PDS5B: variants seen among roughly 807,000 people sequenced by gnomAD.
PDS5B encodes the protein sister chromatid cohesion protein PDS5 homolog B.
Under a neutral mutation model 184.1 loss-of-function variants are expected in PDS5B, and 51 were observed. That is an observed-to-expected ratio of 0.28 (90% CI 0.22 to 0.35). The LOEUF is 0.35. Ranked by LOEUF, PDS5B falls within the 10% of genes least tolerant of loss-of-function variation. The pLI, the probability that PDS5B is intolerant of heterozygous loss-of-function variation, is 1.00. For missense variants in PDS5B, 1,180 were observed against 1,723.3 expected (o/e 0.68, Z 5.58); for synonymous variants, 566 against 569.2 (o/e 0.99, Z 0.08).
intron 13 of PDS5B, among the ~76,000 whole-genome samples, chr13:32,691,563 A>G (rs945952188): frequency 6.6e-6 from 1 of 152,152 alleles, no homozygotes; most frequent in Non-Finnish European, 1.5e-5. Flanking sequence ...AAATTTAGCT[A>G]CTTATTGAAA....
chr13:32,629,706 T>C (rs1047313905), intron 1 of PDS5B, among the ~76,000 whole-genome samples: 11 of 152,194 alleles, frequency 7.2e-5, no homozygotes, highest in African/African-American at 2.4e-4. Context: ...TAGTTTATTT[T>C]TGAAATAAAC....
At chr13:32,750,902 T>C (rs1020329831) in intron 24 of PDS5B, among the ~76,000 whole-genome samples, 2 of 145,636 alleles carry the variant, frequency 1.4e-5, no homozygotes, top group Non-Finnish European at 3.0e-5. Context: ...AAACTTTAGG[T>C]TCAGGGGTAC....
intron 1 of PDS5B, among the ~76,000 whole-genome samples, chr13:32,631,099 A>G (rs1309259413): frequency 7.5e-6 from 1 of 133,410 alleles, no homozygotes; most frequent in Non-Finnish European, 1.6e-5. Flanking sequence ...GGCCATCTCT[A>G]TTGATTCTTT....
intron 14 of PDS5B, among the ~76,000 whole-genome samples, chr13:32,694,578 C>T (rs928669508): frequency 6.6e-6 from 1 of 151,778 alleles, no homozygotes; most frequent in African/African-American, 2.4e-5. Flanking sequence ...AAAGGTGTAA[C>T]AATAACTCAG....
chr13:32,659,238 G>A lies in PDS5B; in HGVS notation c.582G>A (p.Glu194=), dbSNP rs1462819221. 4 of 1,597,222 alleles carry A rather than the reference G, an allele frequency of 2.5e-6. No homozygotes were observed. The highest frequency in any genetic ancestry group is 1.7e-5 in the Admixed American group (1 of 59,814). Residue 194 remains glutamate (E), a synonymous_variant, in exon 6 of 35, where the codon GAG becomes GAA. Transcript: ENST00000315596. Reference sequence around the variant, plus strand: ...GTGAAGGTGATACAGTGTCTCAGGAGCTTTTGGATACGGTTTTAGTAAATC... The same window carrying A: ...GTGAAGGTGATACAGTGTCTCAGGAACTTTTGGATACGGTTTTAGTAAATC... ...IICEGDTVSQ[E]LLDTVLVNLV...
intron 19 of PDS5B, 31 bp downstream of exon 19, chr13:32,710,137 G>C: frequency 7.3e-7 from 1 of 1,368,854 alleles, no homozygotes; most frequent in South Asian, 1.9e-5. Flanking sequence ...AAAATATTCT[G>C]GACATCAGAA....
intron 1 of PDS5B, among the ~76,000 whole-genome samples, chr13:32,602,977 G>A (rs2058001724): frequency 1.3e-5 from 2 of 152,108 alleles, no homozygotes; most frequent in South Asian, 2.1e-4. Context: ...TAAGTTCTTT[G>A]TAGATTCTGG....
intron 1 of PDS5B, among the ~76,000 whole-genome samples, chr13:32,623,521 G>T (rs562046407): frequency 6.6e-6 from 1 of 152,086 alleles, no homozygotes; most frequent in Non-Finnish European, 1.5e-5. Flanking sequence ...TAGTAACATC[G>T]TTAGTCTGAC....
rs149385658 is a variant in PDS5B at position 32,729,205 on chromosome 13, T to C, written c.2124-2896T>C. On this transcript the variant is annotated intron_variant, in intron 19 of 34. Coordinates refer to ENST00000315596, the MANE Select transcript of PDS5B (RefSeq NM_015032.4). Reference sequence around the variant, plus strand: ...AGTGAGAACATGTGTTGTTTGGTTTTCTATTCCTGTGTTAGTTTGCTGAGA... The same window carrying C: ...AGTGAGAACATGTGTTGTTTGGTTTCCTATTCCTGTGTTAGTTTGCTGAGA... Among the ~76,000 whole-genome samples the C allele has an allele frequency of 5.4e-3, 826 of 152,340 alleles. 11 individuals are homozygous for C. Among genetic ancestry groups the C allele is most frequent in the African/African-American group, 0.018 (753 of 41,592 alleles).
intron 29 of PDS5B, among the ~76,000 whole-genome samples, chr13:32,759,987 G>A (rs1954317805): frequency 6.6e-6 from 1 of 151,736 alleles, no homozygotes; most frequent in African/African-American, 2.4e-5. Context: ...TTGAGACGGA[G>A]TCTCTGTTGC....
chr13:32,633,333 G>T (rs1307068003), intron 1 of PDS5B, among the ~76,000 whole-genome samples: 3 of 152,094 alleles, frequency 2.0e-5, no homozygotes, highest in African/African-American at 7.2e-5. Flanking sequence ...CATAAAAAAA[G>T]TATTAGATCT....
intron 20 of PDS5B, among the ~76,000 whole-genome samples, chr13:32,734,470 A>G (rs1370380697): frequency 6.6e-6 from 1 of 152,192 alleles, no homozygotes; most frequent in East Asian, 1.9e-4. Context: ...TATGGTATTT[A>G]ATATTTGGTG....
chr13:32,718,222 C>T (rs1227942751), intron 19 of PDS5B, among the ~76,000 whole-genome samples: 4 of 151,508 alleles, frequency 2.6e-5, no homozygotes, highest in Non-Finnish European at 5.9e-5. Flanking sequence ...ATGATCTCGG[C>T]TCACTGCAAG....
chr13:32,679,701 C>T (rs997905961), intron 10 of PDS5B, among the ~76,000 whole-genome samples: 1 of 151,988 alleles, frequency 6.6e-6, no homozygotes, highest in African/African-American at 2.4e-5. Context: ...CAGTTTCATC[C>T]TTTTTGGGAG....
chr13:32,756,393 A>G (rs76478274), intron 26 of PDS5B, among the ~76,000 whole-genome samples: 5,731 of 152,244 alleles, frequency 0.038, 334 homozygotes, highest in African/African-American at 0.13. Flanking sequence ...CAATGGGCCA[A>G]ATTCGTAACT....
At chr13:32,696,556 A>C (rs551603985) in intron 14 of PDS5B, among the ~76,000 whole-genome samples, 1 of 152,070 alleles carries the variant, frequency 6.6e-6, no homozygotes, top group South Asian at 2.1e-4. Context: ...TCTAAAAAAA[A>C]AAAACAAAAC....
At chr13:32,598,037 C>G (rs183344261) in intron 1 of PDS5B, among the ~76,000 whole-genome samples, 1 of 151,854 alleles carries the variant, frequency 6.6e-6, no homozygotes, top group Admixed American at 6.6e-5. Context: ...TCAGACGAGA[C>G]GTTTCCTTCC....
At position 32,699,858 on chromosome 13, in the gene PDS5B, G is replaced by T; in HGVS notation, c.1729G>T (p.Glu577Ter). The change falls in exon 16 of 35, where the codon GAA becomes TAA. Residue 577 changes from glutamate to a stop codon, truncating the protein, a stop_gained. Coordinates refer to ENST00000315596, the MANE Select transcript of PDS5B (RefSeq NM_015032.4). LOFTEE classifies it high-confidence loss of function. Reference sequence around the variant, plus strand: ...TCCAACATGCTCCTGCAAGCAGGCTGAAGGTTGTGTGGTAAGGAGAGAAAA... The same window carrying T: ...TCCAACATGCTCCTGCAAGCAGGCTTAAGGTTGTGTGGTAAGGAGAGAAAA... The part of the protein sequence containing the change: ...VSPTCSCKQA[E>*]GCVREITKKL... 1 of 1,567,698 alleles carries T rather than the reference G, an allele frequency of 6.4e-7. No individual in the cohort carries two copies. Among genetic ancestry groups the T allele is most frequent in the Non-Finnish European group, 8.6e-7 (1 of 1,162,548 alleles).
chr13:32,701,328 A>T lies in PDS5B; in HGVS notation c.1746A>T (p.Glu582Asp), dbSNP rs1425810502. ...SCKQAEGCVR[E>D]ITKKLGNPKQ... ...TGAAATAATCTGTATTACAGCGTGA[A>T]ATAACTAAGAAGTTGGGCAACCCCA... The change falls in exon 17 of 35, where the codon GAA becomes GAT. Residue 582 changes from glutamate (E) to aspartate (D), a missense_variant. Around this residue, in one of 11 missense-constraint regions of PDS5B, gnomAD observed 475 missense variants for 691.5 expected, o/e 0.69. Coordinates refer to ENST00000315596, the MANE Select transcript of PDS5B (RefSeq NM_015032.4). 3 of 1,570,998 alleles carry T rather than the reference A, an allele frequency of 1.9e-6. No homozygotes were observed. Among genetic ancestry groups the T allele is most frequent in the South Asian group, 1.1e-5 (1 of 89,944 alleles).
Sources: allele counts gnomAD v4.1 joint callset (sites outside exome capture counted in the v4.1 genomes callset), GRCh38; gene constraint gnomAD v4.1.1; regional missense constraint gnomAD v4.1.1; transcripts MANE v1.5; gene names NCBI Gene and HGNC (gene_info 2026-07-23, HGNC 2026-07-21).